The following C4orf51 variants were observed in gnomAD, a reference collection of about 807,000 sequenced individuals.
C4orf51 encodes chromosome 4 open reading frame 51, also known as uncharacterized protein C4orf51.
A neutral mutation model predicts 25.2 loss-of-function variants in C4orf51; 25 were observed. The ratio of observed to expected loss-of-function variants is 0.99; its 90% CI spans 0.72 to 1.39. The LOEUF (loss-of-function observed/expected upper bound fraction) is 1.39, where lower values mean the gene tolerates loss of function less well. Among genes scored for constraint, C4orf51 ranks in the 40% most tolerant of loss-of-function variants. The probability of loss-of-function intolerance (pLI) is 0.00; values close to 1 mark genes in which losing one functional copy is unlikely to be tolerated. For missense variants in C4orf51, 252 were observed against 239.6 expected (o/e 1.05, Z -0.34); for synonymous variants, 100 against 84.5 (o/e 1.18, Z -1.01).
rs953006197 is a variant in C4orf51 at position 145,761,664 on chromosome 4, C to A, written n.167-9324C>A. ...GTTCGGAGGCAGCCGCGCTTCTCGC[C>A]GCCTCACCAGCCTTCCCTCACACCA... On this transcript the variant is annotated intron_variant and non_coding_transcript_variant, in intron 1 of 1. Transcript: ENST00000510096. This position sits in a 1 kb window ranked among gnomAD's most constrained non-coding sequence, Gnocchi z 6.8. 2 of 1,021,052 alleles carry A rather than the reference C, an allele frequency of 2.0e-6. No individual in the cohort carries two copies. Among genetic ancestry groups the A allele is most frequent in the African/African-American group, 3.3e-5 (2 of 60,230 alleles). 63.2% of individuals were successfully genotyped at this position (1,021,052 alleles called of 1,614,324 possible). A position where few individuals can be genotyped will look rare whatever the true frequency, so the allele number is the denominator to read the frequency against.
chr4:145,733,539 C>T (rs1732629551), downstream of C4orf51, among the ~76,000 whole-genome samples: 1 of 152,192 alleles, frequency 6.6e-6, no homozygotes. Flanking sequence ...CCCAGCCCCG[C>T]TCTCTGCTCC....
chr4:145,688,730 A>G lies in C4orf51; in HGVS notation c.234-7829A>G, dbSNP rs1276702511. Among the ~76,000 whole-genome samples the G allele has an allele frequency of 5.3e-5, 8 of 152,366 alleles. No homozygotes were observed. The East Asian group carries it at 1.5e-3, about 29-fold the overall frequency. ...CTTTATAGCAGTGTGAAAATGGACT[A>G]ATACAAGGATATTGTAAAAATGTCA... On this transcript the variant is annotated intron_variant, in intron 1 of 5. Coordinates refer to ENST00000438731, the MANE Select transcript of C4orf51 (RefSeq NM_001080531.3).
chr4:145,787,481 A>G, the C4orf51 span, among the ~76,000 whole-genome samples: 32 of 152,028 alleles, frequency 2.1e-4, no homozygotes, highest in Non-Finnish European at 3.4e-4. Flanking sequence ...AAAAAAAAAA[A>G]AAAGAAATAG....
chr4:145,748,293 G>T (rs996962691), intron 1 of C4orf51, among the ~76,000 whole-genome samples: 18 of 151,788 alleles, frequency 1.2e-4, no homozygotes, highest in African/African-American at 4.4e-4. Context: ...TTCTTAGCTA[G>T]TCTGGTTAAA....
intron 2 of C4orf51, among the ~76,000 whole-genome samples, chr4:145,711,262 C>T (rs1731112854): frequency 6.6e-6 from 1 of 152,184 alleles, no homozygotes; most frequent in East Asian, 1.9e-4. Context: ...CTCCAGTGTT[C>T]TAATAAAACT....
rs1735177580 is a variant in C4orf51 at position 145,765,669 on chromosome 4, G to A, written n.167-5319G>A. ...ATCTGAATCATCTTTGCTGTTGGCT[G>A]AATCACTCAGAGCTGAGAGGGAGGA... On this transcript the variant is annotated intron_variant and non_coding_transcript_variant, in intron 1 of 1. Coordinates refer to the C4orf51 transcript ENST00000510096. This position sits in a 1 kb window ranked among gnomAD's most constrained non-coding sequence, Gnocchi z 4.7. 4 of 1,614,062 alleles carry A rather than the reference G, an allele frequency of 2.5e-6. No individual in the cohort carries two copies. The highest frequency in any genetic ancestry group is 4.5e-5 in the East Asian group (2 of 44,888).
At chr4:145,690,143 G>T (rs1163099295) in intron 1 of C4orf51, among the ~76,000 whole-genome samples, 1 of 135,696 alleles carries the variant, frequency 7.4e-6, no homozygotes, top group African/African-American at 2.8e-5. Flanking sequence ...GGAGGCGGAG[G>T]TTGCAGTGAG....
At chr4:145,726,498 C>T (rs960003693) in intron 2 of C4orf51, among the ~76,000 whole-genome samples, 2 of 152,138 alleles carry the variant, frequency 1.3e-5, no homozygotes, top group African/African-American at 4.8e-5. Flanking sequence ...ACTTCCCAGG[C>T]TCAGGCAATC....
intron 1 of C4orf51, among the ~76,000 whole-genome samples, chr4:145,750,916 T>G (rs1733638276): frequency 6.6e-6 from 1 of 152,162 alleles, no homozygotes; most frequent in Non-Finnish European, 1.5e-5. Context: ...GCTTGATCAA[T>G]TCTGCTGTTA....
chr4:145,760,941 T>G (rs555732859), intron 1 of C4orf51: 1 of 1,230,762 alleles, frequency 8.1e-7, no homozygotes, highest in East Asian at 5.7e-5. Flanking sequence ...GGGCAAAATC[T>G]GAGTTCCGGT....
At chr4:145,755,647 CA>C (rs972970819), downstream of C4orf51, among the ~76,000 whole-genome samples, 4 of 152,180 alleles carry the variant, frequency 2.6e-5, no homozygotes, top group African/African-American at 9.7e-5. Context: ...AGATGTTGTA[CA>C]GGGAAAAACG....
chr4:145,739,357 A>G (rs1732974271), intron 1 of C4orf51, among the ~76,000 whole-genome samples: 1 of 152,214 alleles, frequency 6.6e-6, no homozygotes, highest in African/African-American at 2.4e-5. Flanking sequence ...CCAGAAGTTT[A>G]CTACTCCAGA....
chr4:145,760,773 C>T lies in C4orf51; in HGVS notation n.167-10215C>T, dbSNP rs1054378227. The T allele has an allele frequency of 2.7e-5, 30 of 1,112,318 alleles. No individual in the cohort carries two copies. In the South Asian group the frequency reaches 6.1e-4, roughly 23 times the overall value. 68.9% of individuals were successfully genotyped at this position (1,112,318 alleles called of 1,614,324 possible). ...TCTCTGTTTTTGGTACAGAACATGGCTGCCCTCAGACAGTCTCTGCTCTTT... is the reference window on the plus strand; with the variant it reads ...TCTCTGTTTTTGGTACAGAACATGGTTGCCCTCAGACAGTCTCTGCTCTTT... On this transcript the variant is annotated intron_variant and non_coding_transcript_variant, in intron 1 of 1. Coordinates refer to the C4orf51 transcript ENST00000510096.
At chr4:145,781,218 G>GAAAAA in the C4orf51 span, among the ~76,000 whole-genome samples, 1 of 70,850 alleles carries the variant, frequency 1.4e-5, no homozygotes. Context: ...AAAAAAAAAA[G>GAAAAA]AAAAAAAAAG....
At chr4:145,704,023 T>C (rs899972117) in intron 2 of C4orf51, among the ~76,000 whole-genome samples, 6 of 152,196 alleles carry the variant, frequency 3.9e-5, no homozygotes, top group Non-Finnish European at 7.3e-5. Flanking sequence ...AACGTGTATA[T>C]TATCCTGAGG....
intron 1 of C4orf51, among the ~76,000 whole-genome samples, chr4:145,743,839 C>T (rs1400629291): frequency 6.6e-6 from 1 of 152,208 alleles, no homozygotes; most frequent in African/African-American, 2.4e-5. Flanking sequence ...AAGCTGTTCT[C>T]TCAATCTGGA....
the C4orf51 span, among the ~76,000 whole-genome samples, chr4:145,784,754 C>T: frequency 6.6e-6 from 1 of 152,162 alleles, no homozygotes; most frequent in Non-Finnish European, 1.5e-5. Flanking sequence ...CATCTTGATT[C>T]CCACATCCCT....
the C4orf51 span, among the ~76,000 whole-genome samples, chr4:145,783,421 A>C: frequency 7.2e-5 from 11 of 152,332 alleles, no homozygotes; most frequent in Non-Finnish European, 1.6e-4. Context: ...CAATTCACTA[A>C]CTGCTTTCAT....
intron 2 of C4orf51, among the ~76,000 whole-genome samples, chr4:145,705,074 T>C (rs1414328486): frequency 6.6e-6 from 1 of 152,216 alleles, no homozygotes; most frequent in Non-Finnish European, 1.5e-5. Context: ...CTGCTAACAC[T>C]TGAGAGGAGA....
Sources: allele counts gnomAD v4.1 joint callset (sites outside exome capture counted in the v4.1 genomes callset), GRCh38; gene constraint gnomAD v4.1.1; non-coding constraint Gnocchi (gnomAD v3.1); transcripts MANE v1.5; gene names NCBI Gene and HGNC (gene_info 2026-07-23, HGNC 2026-07-21).